Variants in INF2 observed in about 807,000 individuals in gnomAD.
INF2 encodes the protein inverted formin-2.
A neutral mutation model predicts 123.5 loss-of-function variants in INF2; 43 were observed. That is an observed-to-expected ratio of 0.35 (90% CI 0.27 to 0.45). The LOEUF (loss-of-function observed/expected upper bound fraction) is 0.45. Ranked by LOEUF, INF2 falls within the 20% of genes least tolerant of loss-of-function variation. The pLI is 1.00. For missense variants in INF2, 1,453 were observed against 1,682.7 expected (o/e 0.86, Z 2.39); for synonymous variants, 851 against 745.0 (o/e 1.14, Z -2.32).
At chr14:104,681,378 C>CCCT (rs1194778093) in exon 1 of INF2, 2 of 453,602 alleles carry the variant, frequency 4.4e-6, no homozygotes, top group Non-Finnish European at 8.9e-6. Context: ...GCAGGCTTGG[C>CCCT]CCTCACCTTG....
intron 1 of INF2, chr14:104,700,985 G>A (rs550289073): frequency 1.9e-6 from 1 of 517,572 alleles, no homozygotes; most frequent in African/African-American, 2.1e-5. Flanking sequence ...TCCAGCCAGG[G>A]GAGCCTCCCG....
chr14:104,710,157 C>A lies in INF2; in HGVS notation c.2208C>A (p.Pro736=). ...CCGCCGTGCTGGACATGGTGCGGCC[C>A]AAGGCCCAGCTGGTGCTGGCTGCCT... is the stretch of plus-strand genomic sequence containing the variant. ...GAAAVLDMVR[P]KAQLVLAACE... The change falls in exon 13 of 23, where the codon CCC becomes CCA. Residue 736 remains proline, a synonymous_variant. Coordinates refer to ENST00000392634, the MANE Select transcript of INF2 (RefSeq NM_022489.4). 1 of 1,551,814 alleles carries A rather than the reference C, an allele frequency of 6.4e-7. No individual in the cohort carries two copies. The highest frequency in any genetic ancestry group is 1.2e-5 in the South Asian group (1 of 84,164).
At chr14:104,717,377 C>CT (rs1251722606) in intron 22 of INF2, among the ~76,000 whole-genome samples, 4 of 152,096 alleles carry the variant, frequency 2.6e-5, no homozygotes, top group Non-Finnish European at 2.9e-5. Flanking sequence ...CAGTCCCCCC[C>CT]GGGCAGGGTC....
chr14:104,711,304 C>T (rs1483177963), intron 15 of INF2, 118 bp downstream of exon 15: 7 of 893,368 alleles, frequency 7.8e-6, no homozygotes, highest in Non-Finnish European at 1.2e-5. Flanking sequence ...CTCCCTGTCT[C>T]AGGGCTCCGT....
intron 1 of INF2, among the ~76,000 whole-genome samples, chr14:104,697,584 G>A (rs1467742814): frequency 1.3e-5 from 2 of 152,362 alleles, no homozygotes; most frequent in Admixed American, 6.5e-5. Flanking sequence ...GCGGTGGCCC[G>A]GTGGCTTCCC....
chr14:104,714,860 A>T lies in INF2; in HGVS notation c.3694+4A>T. The T allele has an allele frequency of 1.3e-6, 2 of 1,554,250 alleles. No individual in the cohort carries two copies. The highest frequency in any genetic ancestry group is 1.4e-5 in the African/African-American group (1 of 72,584). On this transcript the variant is annotated splice_donor_region_variant and intron_variant, in intron 21 of 22. Transcript: ENST00000392634. ...CGTCCCTCCAGGAGCCAGGAAGGTAACTCAGGGAGGGGCCCCGGGCACCGT... is the reference window on the plus strand; with the variant it reads ...CGTCCCTCCAGGAGCCAGGAAGGTATCTCAGGGAGGGGCCCCGGGCACCGT...
chr14:104,706,081 G>A lies in INF2; in HGVS notation c.748G>A (p.Glu250Lys). 8 of 1,612,658 alleles carry A rather than the reference G, an allele frequency of 5.0e-6. No homozygotes were observed. Among genetic ancestry groups the A allele is most frequent in the Non-Finnish European group, 6.8e-6 (8 of 1,179,740 alleles). Residue 250 changes from glutamate to lysine, a missense_variant, in exon 6 of 23, where the codon GAG (glutamate) becomes AAG (lysine). By Grantham distance (56) the Glu-to-Lys change is moderately conservative. Coordinates refer to ENST00000392634, the MANE Select transcript of INF2 (RefSeq NM_022489.4). Reference protein sequence around the residue: ...DLLIQLEAFEEAKAEDEEELL... With the variant: ...DLLIQLEAFEKAKAEDEEELL... ...GCTGATCCAGCTGGAGGCTTTCGAG[G>A]AGGCTAAGGCCGAGGACGAGGAGGA... is the stretch of plus-strand genomic sequence containing the variant.
Position 104,689,636 on chromosome 14 carries a change from A to G in INF2, c.-113A>G. 1 of 907,072 alleles carries G rather than the reference A, an allele frequency of 1.1e-6. No homozygotes were observed. The highest frequency in any genetic ancestry group is 1.3e-6 in the Non-Finnish European group (1 of 761,094). 56.2% of individuals were successfully genotyped at this position (907,072 alleles called of 1,614,324 possible). ...CGCGCCCGCCAGGAGCCACCGTCCG[A>G]GCCTTGCGGAGCGCGGCAGTGGGCG... On this transcript the variant is annotated 5_prime_UTR_variant, in exon 1 of 23. Coordinates refer to ENST00000392634, the MANE Select transcript of INF2 (RefSeq NM_022489.4).
At chr14:104,698,818 G>A (rs1286021773) in intron 1 of INF2, among the ~76,000 whole-genome samples, 3 of 152,198 alleles carry the variant, frequency 2.0e-5, no homozygotes, top group Admixed American at 6.5e-5. Context: ...GGCCTCAGCC[G>A]GAGCCCTGTC....
chr14:104,712,313 C>CA, intron 16 of INF2, 120 bp from the exon 17 acceptor site: 3 of 1,346,026 alleles, frequency 2.2e-6, no homozygotes, highest in Non-Finnish European at 3.1e-6. Context: ...CGTGCAGCCT[C>CA]AGAGTACAGC....
chr14:104,692,639 T>A (rs1889010934), intron 1 of INF2, among the ~76,000 whole-genome samples: 1 of 152,012 alleles, frequency 6.6e-6, no homozygotes, highest in African/African-American at 2.4e-5. Context: ...CCTGTGTCAC[T>A]CCAGAGCAGC....
At chr14:104,709,126 C>T (rs1169117507) in intron 10 of INF2, among the ~76,000 whole-genome samples, 155 bp from the exon 11 acceptor site, 3 of 152,112 alleles carry the variant, frequency 2.0e-5, no homozygotes, top group African/African-American at 2.4e-5. Flanking sequence ...CCCTTCACCG[C>T]GTGACCGTGG....
intron 22 of INF2, among the ~76,000 whole-genome samples, chr14:104,717,233 AGGG>A (rs1890339588): frequency 6.9e-6 from 1 of 145,486 alleles, no homozygotes; most frequent in African/African-American, 2.7e-5. Context: ...CCCCCCGGGC[AGGG>A]TGCGCTGCCG....
chr14:104,716,386 G>A (rs529770862), intron 22 of INF2, among the ~76,000 whole-genome samples: 36 of 152,348 alleles, frequency 2.4e-4, no homozygotes, highest in African/African-American at 6.5e-4. Context: ...GTCATCTTCC[G>A]AGTGTGGCTC....
At position 104,701,522 on chromosome 14, in the gene INF2, C is replaced by T; in HGVS notation, c.157C>T (p.Leu53=). The T allele has an allele frequency of 1.2e-6, 2 of 1,607,526 alleles. No homozygotes were observed. The change falls in exon 2 of 23, where the codon CTG becomes TTG. Residue 53 remains leucine, a synonymous_variant. Coordinates refer to ENST00000392634, the MANE Select transcript of INF2 (RefSeq NM_022489.4). ...GCCCTCTGTGGTCAACTACTCCGGCCTGCGCAAGCGCCTGGAGGGCAGCGA... is the reference window on the plus strand; with the variant it reads ...GCCCTCTGTGGTCAACTACTCCGGCTTGCGCAAGCGCCTGGAGGGCAGCGA... ...QMPSVVNYSG[L]RKRLEGSDGG...
chr14:104,708,106 C>A, intron 8 of INF2, 104 bp downstream of exon 8: 1 of 1,537,508 alleles, frequency 6.5e-7, no homozygotes, highest in Non-Finnish European at 8.8e-7. Context: ...CGCGTCCTGC[C>A]CGTGCGTGGC....
Position 104,701,764 on chromosome 14 carries a change from G to T in INF2, c.391+8G>T. On this transcript the variant is annotated splice_region_variant and intron_variant, in intron 2 of 22. Coordinates refer to ENST00000392634, the MANE Select transcript of INF2 (RefSeq NM_022489.4). ...TGCGCCAGCTCTCCCAGGGTGAGCC[G>T]CAGTGTGGGAGGGCCGCCCAGGCGG... 1 of 1,494,438 alleles carries T rather than the reference G, an allele frequency of 6.7e-7. No individual in the cohort carries two copies. 92.6% of individuals were successfully genotyped at this position (1,494,438 alleles called of 1,614,324 possible). A position where few individuals can be genotyped will look rare whatever the true frequency, so the allele number is the denominator to read the frequency against.
chr14:104,707,337 A>G lies in INF2; in HGVS notation c.1070A>G (p.His357Arg). The G allele has an allele frequency of 6.2e-7, 1 of 1,601,986 alleles. No individual in the cohort carries two copies. The highest frequency in any genetic ancestry group is 8.5e-7 in the Non-Finnish European group (1 of 1,175,198). Residue 357 changes from histidine (H) to arginine (R), a missense_variant, in exon 8 of 23, where the codon CAT becomes CGT. By Grantham distance (29) the His-to-Arg change is conservative. Coordinates refer to ENST00000392634, the MANE Select transcript of INF2 (RefSeq NM_022489.4). ...AGACCGAGCCCCCTGGTCAAGGCCC[A>G]TAAAAGCGTCCAGGCCAACCTAGAC... The part of the protein sequence containing the change: ...RPRPSPLVKA[H>R]KSVQANLDQS...
rs780454513 is a variant in INF2 at position 104,701,381 on chromosome 14, G to A, written c.16G>A (p.Gly6Ser). Residue 6 changes from glycine (G) to serine (S), a missense_variant, in exon 2 of 23, where the codon GGC (glycine) becomes AGC (serine). By Grantham distance (56) the Gly-to-Ser change is moderately conservative. This residue lies in a region of INF2 where 43 missense variants were observed against 44.7 expected (regional missense o/e 0.96). Coordinates refer to ENST00000392634, the MANE Select transcript of INF2 (RefSeq NM_022489.4). MSVKE[G>S]AQRKWAALKE... ...GCTCGGCAAGATGTCGGTGAAGGAG[G>A]GCGCACAGCGCAAGTGGGCAGCGCT... 3.2e-6 allele frequency: 5 copies of A among 1,585,720 alleles called. No individual in the cohort carries two copies. The highest frequency in any genetic ancestry group is 1.1e-5 in the South Asian group (1 of 87,496).
Sources: allele counts gnomAD v4.1 joint callset (sites outside exome capture counted in the v4.1 genomes callset), GRCh38; gene constraint gnomAD v4.1.1; regional missense constraint gnomAD v4.1.1; transcripts MANE v1.5; gene names NCBI Gene and HGNC (gene_info 2026-07-23, HGNC 2026-07-21).